Variants in EXOC4 observed in about 807,000 individuals in gnomAD.
EXOC4 encodes the protein SEC8-like 1.
EXOC4 carries 71 observed loss-of-function variants against 107.2 expected under a neutral mutation model. The ratio of observed to expected loss-of-function variants is 0.66; its 90% confidence interval spans 0.55 to 0.81. EXOC4 has a LOEUF of 0.81. Among genes scored for constraint, EXOC4 ranks in the 30% least tolerant of loss-of-function variants. The pLI, the probability that EXOC4 is intolerant of heterozygous loss-of-function variation, is 0.00. For synonymous variants in EXOC4, 456 were observed against 441.2 expected, an observed-to-expected ratio of 1.03 and a Z score of -0.42; for missense variants, 1,108 against 1,189.6, an observed-to-expected ratio of 0.93 and a Z score of 1.01.
intron 17 of EXOC4, among the ~76,000 whole-genome samples, chr7:134,042,231 C>T (rs1448394554): frequency 6.6e-6 from 1 of 152,240 alleles, no homozygotes; most frequent in African/African-American, 2.4e-5. Flanking sequence ...TTTTGGATTC[C>T]CTTGTATCTG....
chr7:133,860,598 T>C (rs1356332061), intron 11 of EXOC4, among the ~76,000 whole-genome samples: 1 of 152,236 alleles, frequency 6.6e-6, no homozygotes, highest in Non-Finnish European at 1.5e-5. Context: ...TTATTTATTT[T>C]AGAGAAATGT....
At chr7:133,270,791 GTGT>G (rs762343867) in intron 1 of EXOC4, among the ~76,000 whole-genome samples, 14 of 152,176 alleles carry the variant, frequency 9.2e-5, no homozygotes, top group Non-Finnish European at 1.8e-4. Flanking sequence ...TCAATGACAA[GTGT>G]TGTCTTCTGC....
At chr7:133,964,502 C>T (rs957867636) in intron 14 of EXOC4, among the ~76,000 whole-genome samples, 3 of 152,104 alleles carry the variant, frequency 2.0e-5, no homozygotes, top group Non-Finnish European at 2.9e-5. Flanking sequence ...CGACAGGCCC[C>T]AGTGTGTGAT....
At chr7:133,817,082 A>G (rs1484321900) in intron 10 of EXOC4, among the ~76,000 whole-genome samples, 1 of 152,078 alleles carries the variant, frequency 6.6e-6, no homozygotes, top group Non-Finnish European at 1.5e-5. Context: ...ATTAAAAATA[A>G]TTTTTGTCTT....
intron 10 of EXOC4, among the ~76,000 whole-genome samples, chr7:133,678,981 A>G (rs1163399689): frequency 6.6e-6 from 1 of 151,998 alleles, no homozygotes; most frequent in Non-Finnish European, 1.5e-5. Flanking sequence ...CTTTCAATTA[A>G]ATACTTTATT....
intron 9 of EXOC4, among the ~76,000 whole-genome samples, chr7:133,502,863 C>A (rs755596497): frequency 3.9e-5 from 6 of 152,080 alleles, no homozygotes; most frequent in Non-Finnish European, 8.8e-5. Flanking sequence ...TCTTTTAATT[C>A]ATTCTGCCAA....
chr7:133,395,135 C>T (rs562212016), intron 7 of EXOC4, among the ~76,000 whole-genome samples: 9 of 143,702 alleles, frequency 6.3e-5, no homozygotes, highest in East Asian at 2.0e-4. Flanking sequence ...TTAACTTGGT[C>T]GCAGTTGAAG....
intron 15 of EXOC4, among the ~76,000 whole-genome samples, chr7:134,000,356 C>T (rs777460231): frequency 3.5e-4 from 53 of 152,122 alleles, no homozygotes; most frequent in Non-Finnish European, 4.4e-4. Context: ...ATAGAGGTGT[C>T]TGCTAAGTGC....
chr7:134,050,269 A>G (rs1008747101), intron 17 of EXOC4, among the ~76,000 whole-genome samples: 1 of 152,166 alleles, frequency 6.6e-6, no homozygotes, highest in Non-Finnish European at 1.5e-5. Flanking sequence ...CGTAACAAAA[A>G]ATATTATGTG....
intron 10 of EXOC4, 102 bp downstream of exon 10, chr7:133,630,243 A>G: frequency 1.2e-6 from 1 of 858,902 alleles, no homozygotes; most frequent in Non-Finnish European, 1.8e-6. Flanking sequence ...AACAAGTCAT[A>G]AAAGAAATTT....
chr7:133,807,673 G>A (rs1236320187), intron 10 of EXOC4, among the ~76,000 whole-genome samples: 1 of 152,086 alleles, frequency 6.6e-6, no homozygotes, highest in Middle Eastern at 3.2e-3. Context: ...AGACCTCTTG[G>A]AAAAGCAGGA....
chr7:134,034,150 G>A (rs2116490870), intron 17 of EXOC4, among the ~76,000 whole-genome samples: 1 of 152,260 alleles, frequency 6.6e-6, no homozygotes, highest in South Asian at 2.1e-4. Context: ...AGTCCAAATT[G>A]GGATAATGAG....
At chr7:133,420,973 A>G (rs1487214734) in intron 7 of EXOC4, among the ~76,000 whole-genome samples, 1 of 151,642 alleles carries the variant, frequency 6.6e-6, no homozygotes, top group Non-Finnish European at 1.5e-5. Flanking sequence ...TAAGAAAAAA[A>G]AAATTGTTCC....
chr7:133,335,341 C>T (rs927333379), intron 5 of EXOC4, among the ~76,000 whole-genome samples: 1 of 152,128 alleles, frequency 6.6e-6, no homozygotes, highest in Admixed American at 6.5e-5. Context: ...AACTGTGTGC[C>T]CATTAAACAA....
chr7:133,293,818 A>G (rs748779445), intron 3 of EXOC4, among the ~76,000 whole-genome samples: 24 of 152,230 alleles, frequency 1.6e-4, no homozygotes, highest in Non-Finnish European at 2.9e-4. Flanking sequence ...AAATGATCCA[A>G]CAAGAAGCCT....
chr7:134,046,806 C>T (rs978916281), intron 17 of EXOC4, among the ~76,000 whole-genome samples: 3 of 152,114 alleles, frequency 2.0e-5, no homozygotes, highest in Non-Finnish European at 2.9e-5. Flanking sequence ...TTCTAAACAC[C>T]AGCAAGCTCT....
intron 7 of EXOC4, among the ~76,000 whole-genome samples, chr7:133,461,687 A>T (rs980385496): frequency 1.3e-5 from 2 of 152,190 alleles, no homozygotes; most frequent in African/African-American, 4.8e-5. Context: ...TAATGTAAGT[A>T]AATTAATGTA....
At chr7:133,925,117 C>A (rs1446959542) in intron 13 of EXOC4, among the ~76,000 whole-genome samples, 1 of 152,176 alleles carries the variant, frequency 6.6e-6, no homozygotes, top group East Asian at 1.9e-4. Flanking sequence ...CACAATCTCC[C>A]CCTATAATTA....
intron 7 of EXOC4, among the ~76,000 whole-genome samples, chr7:133,451,758 A>G (rs1309007062): frequency 6.6e-6 from 1 of 152,110 alleles, no homozygotes; most frequent in Non-Finnish European, 1.5e-5. Context: ...TGGATTCTCA[A>G]TTCTGATGTT....
Sources: gnomAD v4.1 joint callset for allele counts (sites outside exome capture counted in the v4.1 genomes callset) on GRCh38, gnomAD v4.1.1 for gene constraint, MANE v1.5 for transcripts, NCBI Gene and HGNC (gene_info 2026-07-23, HGNC 2026-07-21) for gene names.